ATP11A: variants seen among roughly 807,000 people sequenced by gnomAD.
ATP11A encodes the protein phospholipid-transporting ATPase IH.
ATP11A carries 81 observed loss-of-function variants against 154.4 expected under a neutral mutation model. The ratio of observed to expected loss-of-function variants is 0.52; its 90% CI spans 0.44 to 0.63. The LOEUF (loss-of-function observed/expected upper bound fraction) is 0.63. ATP11A is among the 30% of genes least tolerant of loss of function. ATP11A has a pLI of 0.00. For missense variants in ATP11A, 1,316 were observed against 1,474.3 expected, an observed-to-expected ratio of 0.89 and a Z score of 1.76; for synonymous variants, 623 against 585.9, an observed-to-expected ratio of 1.06 and a Z score of -0.91.
In ATP11A at chr13:112,697,201, C is replaced by G. The variant is rs1452405929; in HGVS notation, c.39+6746C>G. On this transcript the variant is annotated intron_variant, in intron 1 of 29. Transcript: ENST00000375645. The surrounding 1 kb of genome is among the most constrained non-coding windows in gnomAD (Gnocchi z 4.0). ...GGCCGCCCCTCGGTGGGCTCCGGTG[C>G]TGGCCTCTGCCTTCCCCAGGGCCAC... Among the ~76,000 whole-genome samples, 1 of 152,192 alleles carries G rather than the reference C, an allele frequency of 6.6e-6. No homozygotes were observed. The highest frequency in any genetic ancestry group is 1.5e-5 in the Non-Finnish European group (1 of 68,030).
intron 1 of ATP11A, among the ~76,000 whole-genome samples, chr13:112,784,242 G>A (rs533604192): frequency 6.6e-6 from 1 of 152,216 alleles, no homozygotes; most frequent in African/African-American, 2.4e-5. Flanking sequence ...ACTTGTAGGC[G>A]ATCGGGTCAT....
Position 112,825,569 on chromosome 13 carries a change from C to CA in ATP11A, c.1013dup (p.Arg339GlufsTer19). 1 of 1,612,818 alleles carries CA rather than the reference C, an allele frequency of 6.2e-7. No individual in the cohort carries two copies. The highest frequency in any genetic ancestry group is 8.5e-7 in the Non-Finnish European group (1 of 1,179,442). On this transcript the variant is annotated frameshift_variant, in exon 11 of 30. Coordinates refer to ENST00000375645, the MANE Select transcript of ATP11A (RefSeq NM_015205.3). LOFTEE classifies it high-confidence loss of function. ...TAATCAGAAAACGGAGTCGGAAAGG[C>CA]AGAGGAATCTGGTATGGAGAATCAC...
At chr13:112,715,205 A>T (rs547249277) in intron 1 of ATP11A, among the ~76,000 whole-genome samples, 3 of 152,262 alleles carry the variant, frequency 2.0e-5, no homozygotes, top group African/African-American at 4.8e-5. Context: ...AAAGCTTCTC[A>T]AAAGGACTAG....
intron 1 of ATP11A, among the ~76,000 whole-genome samples, chr13:112,704,445 G>A (rs1886922871): frequency 6.6e-6 from 1 of 152,268 alleles, no homozygotes; most frequent in South Asian, 2.1e-4. Flanking sequence ...ATGCTCTTGG[G>A]AGCCCAAGGC....
In ATP11A at chr13:112,831,357, G is replaced by T; in HGVS notation, c.1222-18G>T. ...GGCCTCCCTCAGAGCGCCCTGACTT[G>T]CTGTGCCCTGCCCGCAGGTGGAGTA... is the stretch of plus-strand genomic sequence containing the variant. On this transcript the variant is annotated intron_variant, in intron 12 of 29. Transcript: ENST00000375645. The T allele has an allele frequency of 6.2e-7, 1 of 1,611,350 alleles. No homozygotes were observed.
At chr13:112,723,907 C>G (rs1170325596) in intron 1 of ATP11A, among the ~76,000 whole-genome samples, 1 of 151,914 alleles carries the variant, frequency 6.6e-6, no homozygotes, top group Admixed American at 6.5e-5. Flanking sequence ...TGTGGATTCC[C>G]GGGAACGCTC....
At chr13:112,845,710 C>T (rs867285143) in intron 17 of ATP11A, among the ~76,000 whole-genome samples, 9 of 123,258 alleles carry the variant, frequency 7.3e-5, no homozygotes, top group African/African-American at 3.1e-4. Flanking sequence ...CTGGCACTAG[C>T]GGTACTAACC....
intron 2 of ATP11A, among the ~76,000 whole-genome samples, chr13:112,790,311 G>A (rs1476466103): frequency 6.6e-6 from 1 of 151,994 alleles, no homozygotes; most frequent in Non-Finnish European, 1.5e-5. Flanking sequence ...TGAGCATCCT[G>A]ACGTGTAGAC....
intron 28 of ATP11A, among the ~76,000 whole-genome samples, chr13:112,877,869 C>A (rs1310596605): frequency 6.6e-6 from 1 of 152,192 alleles, no homozygotes; most frequent in Non-Finnish European, 1.5e-5. Context: ...TTTGGGAATG[C>A]CAGTGAGGAC....
At chr13:112,862,394 G>A (rs749281901) in intron 24 of ATP11A, 46 bp from the exon 25 acceptor site, 6 of 1,608,506 alleles carry the variant, frequency 3.7e-6, no homozygotes, top group South Asian at 3.3e-5. Context: ...GAGGTGCCGG[G>A]CCCTGATTCT....
intron 17 of ATP11A, among the ~76,000 whole-genome samples, chr13:112,843,633 C>T (rs1355780329): frequency 6.6e-6 from 1 of 152,158 alleles, no homozygotes; most frequent in Non-Finnish European, 1.5e-5. Context: ...TCGTGGTACT[C>T]AGCGCTCCCT....
rs759907965 is a variant in ATP11A at position 112,875,807 on chromosome 13, G to C, written c.3193G>C (p.Val1065Leu). 17 of 1,613,862 alleles carry C rather than the reference G, an allele frequency of 1.1e-5. No individual in the cohort carries two copies. Among genetic ancestry groups the C allele is most frequent in the Middle Eastern group, 1.6e-4 (1 of 6,084 alleles). ...CCTCAACTACCAGAGGATGTACTAC[G>C]TGTTCATCCAGATGCTGTCCAGCGG... is the stretch of plus-strand genomic sequence containing the variant. ...PFLNYQRMYY[V>L]FIQMLSSGPA... The change falls in exon 28 of 30, where the codon GTG becomes CTG. Residue 1065 changes from valine to leucine, a missense_variant. By Grantham distance (32) the Val-to-Leu change is conservative. Around this residue, in one of 5 missense-constraint regions of ATP11A, gnomAD observed 294 missense variants for 290.2 expected, o/e 1.01. Transcript: ENST00000375645. This position sits in a 1 kb window ranked among gnomAD's most constrained non-coding sequence, Gnocchi z 4.1.
intron 1 of ATP11A, among the ~76,000 whole-genome samples, chr13:112,765,784 G>T (rs1454424876): frequency 6.6e-6 from 1 of 152,246 alleles, no homozygotes; most frequent in Admixed American, 6.5e-5. Context: ...CAGTGGATCT[G>T]AAAGATGCTC....
At chr13:112,834,103 T>C (rs956167399) in intron 14 of ATP11A, among the ~76,000 whole-genome samples, 1 of 152,234 alleles carries the variant, frequency 6.6e-6, no homozygotes, top group Non-Finnish European at 1.5e-5. Context: ...AGGCATTGTA[T>C]AGATGGGTGC....
At chr13:112,831,706 C>T (rs539836114) in intron 13 of ATP11A, among the ~76,000 whole-genome samples, 158 bp downstream of exon 13, 10 of 152,284 alleles carry the variant, frequency 6.6e-5, no homozygotes, top group Non-Finnish European at 1.0e-4. Flanking sequence ...TGTGGTGTCC[C>T]GTTAGGACAC....
At chr13:112,717,202 A>C (rs1421572086) in intron 1 of ATP11A, 1 of 152,240 alleles carries the variant, frequency 6.6e-6, no homozygotes, top group Non-Finnish European at 1.5e-5. Context: ...TTAAAATGCA[A>C]ATATGGTCTC....
chr13:112,809,398 G>A (rs573775557), intron 4 of ATP11A, among the ~76,000 whole-genome samples: 157 of 152,270 alleles, frequency 1.0e-3, no homozygotes, highest in African/African-American at 3.4e-3. Context: ...TGCTCCCTTC[G>A]GAGGAGACTC....
intron 2 of ATP11A, among the ~76,000 whole-genome samples, chr13:112,802,666 T>C (rs1170878616): frequency 6.6e-6 from 1 of 151,424 alleles, no homozygotes; most frequent in East Asian, 1.9e-4. Flanking sequence ...TGTATAATAA[T>C]GAAACTTGTA....
intron 2 of ATP11A, among the ~76,000 whole-genome samples, chr13:112,803,822 TC>T (rs2078214788): frequency 1.2e-5 from 1 of 81,046 alleles, no homozygotes; most frequent in African/African-American, 5.2e-5. Context: ...CTCCTTCCTC[TC>T]CTTCCCCTCC....
Sources: gnomAD v4.1 joint callset for allele counts (sites outside exome capture counted in the v4.1 genomes callset) on GRCh38, gnomAD v4.1.1 for gene constraint, gnomAD v4.1.1 regional missense constraint, Gnocchi (gnomAD v3.1) non-coding constraint, MANE v1.5 for transcripts, NCBI Gene and HGNC (gene_info 2026-07-23, HGNC 2026-07-21) for gene names.